The following GC variants were observed in gnomAD, a reference collection of about 807,000 sequenced individuals.
GC encodes GC vitamin D binding protein, also known as vitamin D-binding protein.
GC carries 43 observed loss-of-function variants against 56.7 expected under a neutral mutation model. The ratio of observed to expected loss-of-function variants is 0.76; its 90% confidence interval spans 0.59 to 0.98. The LOEUF (loss-of-function observed/expected upper bound fraction) is 0.98. Ranked by LOEUF, GC falls within the 50% of genes least tolerant of loss-of-function variation. The pLI, the probability that GC is intolerant of heterozygous loss-of-function variation, is 0.00. For missense variants in GC, 529 were observed against 545.9 expected, an observed-to-expected ratio of 0.97 and a Z score of 0.31; for synonymous variants, 216 against 202.7, an observed-to-expected ratio of 1.07 and a Z score of -0.56.
intron 6 of GC, among the ~76,000 whole-genome samples, chr4:71,758,517 G>A (rs1299864348): frequency 2.0e-5 from 3 of 152,122 alleles, no homozygotes; most frequent in Admixed American, 2.0e-4. Context: ...TATTTTTGTG[G>A]CCTCTCACAG....
chr4:71,793,390 T>C (rs1314381239), intron 1 of GC, among the ~76,000 whole-genome samples: 2 of 152,142 alleles, frequency 1.3e-5, no homozygotes, highest in Non-Finnish European at 2.9e-5. Flanking sequence ...TTGTCAGTTG[T>C]ATTCCTAGGT....
intron 1 of GC, among the ~76,000 whole-genome samples, chr4:71,782,952 G>A (rs935990569): frequency 2.6e-5 from 4 of 151,772 alleles, no homozygotes; most frequent in African/African-American, 9.7e-5. Flanking sequence ...GCTTACTTAA[G>A]AATTGATGGG....
At chr4:71,800,080 T>C (rs4694434) in intron 1 of GC, among the ~76,000 whole-genome samples, 3 of 142,430 alleles carry the variant, frequency 2.1e-5, no homozygotes, top group South Asian at 4.6e-4. Context: ...TTTTTTTTTT[T>C]AATTTTACTT....
intron 8 of GC, among the ~76,000 whole-genome samples, chr4:71,755,828 C>A (rs1741750380): frequency 6.6e-6 from 1 of 152,184 alleles, no homozygotes; most frequent in Admixed American, 6.5e-5. Flanking sequence ...TACCCCACTG[C>A]TGTCTATGCA....
At chr4:71,771,053 G>A (rs907367291) in intron 1 of GC, among the ~76,000 whole-genome samples, 1 of 150,562 alleles carries the variant, frequency 6.6e-6, no homozygotes, top group Non-Finnish European at 1.5e-5. Flanking sequence ...CTCCTGTGAT[G>A]TTATATCTTT....
At chr4:71,801,018 A>C (rs1161209089) in intron 1 of GC, among the ~76,000 whole-genome samples, 2 of 152,270 alleles carry the variant, frequency 1.3e-5, no homozygotes, top group East Asian at 3.8e-4. Flanking sequence ...TATGCTTCAT[A>C]GGATACTATC....
chr4:71,763,077 T>C (rs1742037239), intron 6 of GC, among the ~76,000 whole-genome samples: 1 of 152,048 alleles, frequency 6.6e-6, no homozygotes, highest in Non-Finnish European at 1.5e-5. Flanking sequence ...AAAGGTTGTG[T>C]TTTTTTGGTT....
intron 1 of GC, among the ~76,000 whole-genome samples, chr4:71,794,908 G>A (rs775936763): frequency 1.3e-5 from 2 of 151,956 alleles, no homozygotes; most frequent in East Asian, 1.9e-4. Context: ...CTTTCATTTC[G>A]TTATTTACCC....
intron 12 of GC, among the ~76,000 whole-genome samples, chr4:71,742,127 T>C (rs145434613): frequency 6.6e-6 from 1 of 152,252 alleles, no homozygotes; most frequent in African/African-American, 2.4e-5. Context: ...CATTGTGCAG[T>C]GTTTTTTTAA....
At chr4:71,769,716 TC>T (rs1329983873) in intron 1 of GC, 2 of 195,822 alleles carry the variant, frequency 1.0e-5, no homozygotes, top group African/African-American at 4.6e-5. Context: ...TTAGGTCCTA[TC>T]TTTATAATGA....
Position 71,752,527 on chromosome 4 carries a change from A to G in GC, c.1386T>C (p.Cys462=). ...CCSINSPPLY[C]DSEIDAELKN... is the part of the protein sequence containing the mutation. ...GGTTACATTTTCCTACCTCTGAATC[A>G]CAGTAAAGAGGAGGTGAGTTTATGG... Residue 462 remains cysteine, a synonymous_variant, in exon 11 of 13, where the codon TGT becomes TGC. Coordinates refer to ENST00000273951, the MANE Select transcript of GC (RefSeq NM_000583.4). The G allele has an allele frequency of 1.3e-5, 21 of 1,611,502 alleles. No homozygotes were observed. The highest frequency in any genetic ancestry group is 1.8e-5 in the Non-Finnish European group (21 of 1,179,060).
At chr4:71,784,403 G>T, upstream of GC, 1 of 789,436 alleles carries the variant, frequency 1.3e-6, no homozygotes. Flanking sequence ...AGGGCTGTGT[G>T]TCTTCTTTGG....
rs889546684 is a variant in GC, at chr4:71,775,108, A to G, written c.59-5708T>C. On this transcript the variant is annotated intron_variant, in intron 1 of 12. Coordinates refer to ENST00000273951, the MANE Select transcript of GC (RefSeq NM_000583.4). The stretch of plus-strand genomic sequence containing the variant: ...AATAGAAAGGTGAGCAGATTGGTTG[A>G]AAGACTCAGGCGCTTTGGTCTTAGT... Among the ~76,000 whole-genome samples, 3 of 151,338 alleles carry G rather than the reference A, an allele frequency of 2.0e-5. No homozygotes were observed. In the Admixed American group the frequency reaches 2.0e-4, roughly 10 times the overall value.
chr4:71,799,164 T>C (rs879641450), intron 1 of GC, among the ~76,000 whole-genome samples: 2 of 152,114 alleles, frequency 1.3e-5, no homozygotes, highest in Non-Finnish European at 2.9e-5. Context: ...CTGGAAGTGG[T>C]TCTAGGGGCA....
At chr4:71,796,686 C>T (rs1743114372) in intron 1 of GC, among the ~76,000 whole-genome samples, 1 of 152,184 alleles carries the variant, frequency 6.6e-6, no homozygotes, top group African/African-American at 2.4e-5. Flanking sequence ...AAGTCATTCT[C>T]CATCCAACTT....
intron 1 of GC, among the ~76,000 whole-genome samples, chr4:71,797,098 TC>T (rs1743125328): frequency 6.6e-6 from 1 of 152,218 alleles, no homozygotes; most frequent in South Asian, 2.1e-4. Context: ...GAGATGTCTG[TC>T]AGCCCCTACT....
upstream of GC, chr4:71,804,156 A>G: frequency 1.7e-6 from 1 of 594,262 alleles, no homozygotes; most frequent in Admixed American, 2.9e-5. Flanking sequence ...GATGAAAGGA[A>G]TAGTCAGACA....
At chr4:71,764,588 C>A (rs1742097822) in intron 4 of GC, among the ~76,000 whole-genome samples, 1 of 152,078 alleles carries the variant, frequency 6.6e-6, no homozygotes. Context: ...ATTAATTTTT[C>A]ATTATCTATC....
At chr4:71,769,621 A>G in intron 1 of GC, 1 of 482,734 alleles carries the variant, frequency 2.1e-6, no homozygotes, top group East Asian at 3.8e-5. Context: ...GCAGAACAAA[A>G]GGAGAGAGTA....
Sources: allele counts gnomAD v4.1 joint callset (sites outside exome capture counted in the v4.1 genomes callset), GRCh38; gene constraint gnomAD v4.1.1; transcripts MANE v1.5; gene names NCBI Gene and HGNC (gene_info 2026-07-23, HGNC 2026-07-21).